Variants in GUCY1B1 observed in about 807,000 individuals in gnomAD.
The protein encoded by GUCY1B1 is guanylate cyclase soluble subunit beta-1.
GUCY1B1 carries 43 observed loss-of-function variants against 71.0 expected under a neutral mutation model. The observed-to-expected ratio is 0.61, with a 90% CI of 0.47 to 0.78. GUCY1B1 has a LOEUF of 0.78. Ranked by LOEUF, GUCY1B1 falls within the 30% of genes least tolerant of loss-of-function variation. The probability of loss-of-function intolerance (pLI) is 0.00; values close to 1 mark genes in which losing one functional copy is unlikely to be tolerated. For missense variants in GUCY1B1, 535 were observed against 754.1 expected, an observed-to-expected ratio of 0.71 and a Z score of 3.40; for synonymous variants, 266 against 259.7, an observed-to-expected ratio of 1.02 and a Z score of -0.23.
chr4:155,796,825 G>A (rs1025378216), intron 8 of GUCY1B1, among the ~76,000 whole-genome samples: 1 of 152,138 alleles, frequency 6.6e-6, no homozygotes, highest in Non-Finnish European at 1.5e-5. Flanking sequence ...TAGGCATTAT[G>A]TAGAAAAGTG....
chr4:155,773,919 C>A lies in GUCY1B1; in HGVS notation c.78-1049C>A, dbSNP rs576412840. On this transcript the variant is annotated intron_variant, in intron 2 of 13. Coordinates refer to ENST00000264424, the MANE Select transcript of GUCY1B1 (RefSeq NM_000857.5). ...AGCCAGGATGGTCTTGATCTCCTGA[C>A]CTCGTGATCTGTCAGTCCCCGCCTC... Among the ~76,000 whole-genome samples the A allele has an allele frequency of 8.5e-5, 13 of 152,186 alleles. No individual in the cohort carries two copies. The East Asian group carries it at 1.7e-3, about 20-fold the overall frequency.
intron 4 of GUCY1B1, among the ~76,000 whole-genome samples, chr4:155,786,539 G>A (rs1444102147): frequency 2.1e-5 from 3 of 142,526 alleles, no homozygotes; most frequent in East Asian, 2.1e-4. Context: ...GCGAGATTTC[G>A]GCTCACTGCA....
chr4:155,795,376 C>A lies in GUCY1B1; in HGVS notation c.762C>A (p.Phe254Leu). Residue 254 changes from phenylalanine to leucine, a missense_variant, in exon 7 of 14, where the codon TTC (phenylalanine) becomes TTA (leucine). Transcript: ENST00000264424. Reference sequence around the variant, plus strand: ...GGAATTGCAGCCTTCTGTCTGTCTTCTCGCTGGTTCGTCCTCATATTGATA... The same window carrying A: ...GGAATTGCAGCCTTCTGTCTGTCTTATCGCTGGTTCGTCCTCATATTGATA... Reference protein sequence around the residue: ...QPGNCSLLSVFSLVRPHIDIS... With the variant: ...QPGNCSLLSVLSLVRPHIDIS... 6.2e-7 allele frequency: 1 copy of A among 1,610,520 alleles called. No individual in the cohort carries two copies.
intron 4 of GUCY1B1, among the ~76,000 whole-genome samples, chr4:155,786,271 C>CTTTTTT (rs33996424): frequency 2.4e-5 from 3 of 123,778 alleles, no homozygotes; most frequent in Non-Finnish European, 4.9e-5. Context: ...GTTCAATTTC[C>CTTTTTT]TTTTTTTTTT....
intron 2 of GUCY1B1, among the ~76,000 whole-genome samples, chr4:155,768,284 T>A (rs554838807): frequency 6.6e-6 from 1 of 152,286 alleles, no homozygotes; most frequent in South Asian, 2.1e-4. Context: ...AGTTTTTCTG[T>A]GTTCACATAT....
At chr4:155,772,714 C>T in intron 2 of GUCY1B1, 1 of 702,458 alleles carries the variant, frequency 1.4e-6, no homozygotes, top group African/African-American at 1.7e-5. Context: ...GCCAACCTGC[C>T]CAGCCAGAAA....
intron 2 of GUCY1B1, among the ~76,000 whole-genome samples, chr4:155,774,756 A>C (rs1252618090): frequency 6.6e-6 from 1 of 152,172 alleles, no homozygotes; most frequent in Non-Finnish European, 1.5e-5. Context: ...ATATACTTAA[A>C]TATATCATTT....
At chr4:155,772,580 CT>C (rs1737766730) in intron 2 of GUCY1B1, 1 of 600,642 alleles carries the variant, frequency 1.7e-6, no homozygotes, top group Admixed American at 2.8e-5. Flanking sequence ...CCACACCTGC[CT>C]AATTTTTTTT....
At position 155,807,615 on chromosome 4, in the gene GUCY1B1, TA is replaced by T. The variant is rs1740404350; in HGVS notation, c.*1211del. The T allele has an allele frequency of 6.6e-6, 1 of 152,160 alleles. No homozygotes were observed. The highest frequency in any genetic ancestry group is 1.5e-5 in the Non-Finnish European group (1 of 68,022). The allele number at this position is 152,160 out of a possible 1,614,324, so 9.4% of individuals were successfully genotyped here. A position where few individuals can be genotyped will look rare whatever the true frequency, so the allele number is the denominator to read the frequency against. On this transcript the variant is annotated 3_prime_UTR_variant, in exon 14 of 14. Transcript: ENST00000264424. ...TGTCTCTATACAGTTTTTATTTCAA[TA>T]AAAATATTAACATTATTTTTCATTT...
intron 9 of GUCY1B1, among the ~76,000 whole-genome samples, chr4:155,801,811 T>C (rs1739974426): frequency 6.6e-6 from 1 of 152,218 alleles, no homozygotes; most frequent in African/African-American, 2.4e-5. Flanking sequence ...CAACTTCCTC[T>C]GGTTTTATCA....
intron 4 of GUCY1B1, among the ~76,000 whole-genome samples, chr4:155,782,676 G>A (rs963155531): frequency 6.6e-6 from 1 of 152,096 alleles, no homozygotes; most frequent in Non-Finnish European, 1.5e-5. Flanking sequence ...TTGAATCTGG[G>A]TTGGCTTTAG....
chr4:155,800,088 G>A lies in GUCY1B1; in HGVS notation c.1175+14G>A, dbSNP rs199589903. On this transcript the variant is annotated intron_variant, in intron 9 of 13. Transcript: ENST00000264424. ...AAAGACAGACACGTAAGAATGTAAC[G>A]CTTGGAGCACTACTGTTATTCATAA... The A allele has an allele frequency of 8.2e-5, 129 of 1,566,856 alleles. No homozygotes were observed. Among genetic ancestry groups the A allele is most frequent in the Admixed American group, 2.2e-4 (13 of 58,430 alleles).
intron 2 of GUCY1B1, among the ~76,000 whole-genome samples, chr4:155,765,684 G>A (rs1737286042): frequency 6.6e-6 from 1 of 152,068 alleles, no homozygotes; most frequent in African/African-American, 2.4e-5. Flanking sequence ...GAAATTCTTT[G>A]TGGTCAATCT....
chr4:155,794,879 A>G (rs1384938035), intron 6 of GUCY1B1, among the ~76,000 whole-genome samples: 7 of 152,300 alleles, frequency 4.6e-5, no homozygotes, highest in Middle Eastern at 3.4e-3. Flanking sequence ...AAGCATATGA[A>G]AAATACTTAG....
intron 4 of GUCY1B1, among the ~76,000 whole-genome samples, chr4:155,780,055 T>C (rs995762729): frequency 1.3e-5 from 2 of 152,290 alleles, no homozygotes; most frequent in Non-Finnish European, 2.9e-5. Context: ...TCCTCCAATC[T>C]CTTCTCCATC....
At chr4:155,779,425 T>G (rs1459852) in intron 4 of GUCY1B1, among the ~76,000 whole-genome samples, 4,279 of 152,332 alleles carry the variant, frequency 0.028, 207 homozygotes, top group African/African-American at 0.098. Context: ...TTATATTGAT[T>G]GATTTCATGT....
chr4:155,796,088 C>T (rs181485107), intron 7 of GUCY1B1, among the ~76,000 whole-genome samples: 149 of 152,106 alleles, frequency 9.8e-4, no homozygotes, highest in Admixed American at 5.1e-3. Context: ...TGGAACCATA[C>T]CGGAAAATCA....
intron 9 of GUCY1B1, among the ~76,000 whole-genome samples, chr4:155,800,390 G>T (rs1365297041): frequency 6.6e-6 from 1 of 152,138 alleles, no homozygotes; most frequent in Non-Finnish European, 1.5e-5. Flanking sequence ...ATTTATTCCT[G>T]CATTCTTTCA....
At chr4:155,777,825 T>A (rs1490645061) in intron 4 of GUCY1B1, among the ~76,000 whole-genome samples, 183 bp downstream of exon 4, 1 of 152,198 alleles carries the variant, frequency 6.6e-6, no homozygotes, top group Non-Finnish European at 1.5e-5. Context: ...CATTTTAGCA[T>A]TATATTTTTT....
Sources: gnomAD v4.1 joint callset for allele counts (sites outside exome capture counted in the v4.1 genomes callset) on GRCh38, gnomAD v4.1.1 for gene constraint, MANE v1.5 for transcripts, NCBI Gene and HGNC (gene_info 2026-07-23, HGNC 2026-07-21) for gene names.